Variants in LRP1B observed in about 807,000 individuals in gnomAD.
LRP1B encodes the protein LDL receptor related protein 1B.
Under a neutral mutation model 556.6 loss-of-function variants are expected in LRP1B, and 217 were observed. The observed-to-expected ratio is 0.39, with a 90% CI of 0.35 to 0.44. LRP1B has a LOEUF of 0.44. LRP1B is among the 20% of genes least tolerant of loss of function. The probability of loss-of-function intolerance (pLI) is 1.00; values close to 1 mark genes in which losing one functional copy is unlikely to be tolerated. For synonymous variants in LRP1B, 2,047 were observed against 1,865.8 expected (o/e 1.10, Z -2.50); for missense variants, 5,053 against 5,620.8 (o/e 0.90, Z 3.23).
chr2:141,354,067 A>G (rs944564901), intron 3 of LRP1B, among the ~76,000 whole-genome samples: 2 of 151,982 alleles, frequency 1.3e-5, no homozygotes, highest in Non-Finnish European at 2.9e-5. Context: ...TTAAAAGTGG[A>G]GTATGGGAGA....
intron 3 of LRP1B, among the ~76,000 whole-genome samples, chr2:141,401,393 A>G (rs951621887): frequency 3.3e-5 from 5 of 152,176 alleles, no homozygotes; most frequent in African/African-American, 9.6e-5. Context: ...TGGAGAATAC[A>G]ATTTTTTAAA....
intron 37 of LRP1B, among the ~76,000 whole-genome samples, chr2:140,709,863 C>A (rs1178179805): frequency 1.3e-5 from 2 of 151,920 alleles, no homozygotes; most frequent in Admixed American, 6.6e-5. Context: ...ATTTTTAAGT[C>A]TTTTATTTTC....
Position 142,112,948 on chromosome 2 carries a change from T to C in LRP1B, c.82+17700A>G, listed in dbSNP as rs1470643739. On this transcript the variant is annotated intron_variant, in intron 1 of 90. Transcript: ENST00000389484. ...GTTATTTGTAATTCCATTCTCTTAT[T>C]GCAAAATTTAATCTAACTAGATGCT... Among the ~76,000 whole-genome samples, 4 of 152,146 alleles carry C rather than the reference T, an allele frequency of 2.6e-5. 1 individual carries two copies. In the South Asian group the frequency reaches 8.3e-4, roughly 31 times the overall value.
chr2:140,732,271 C>G (rs1452444483), intron 35 of LRP1B, among the ~76,000 whole-genome samples: 1 of 151,894 alleles, frequency 6.6e-6, no homozygotes, highest in Non-Finnish European at 1.5e-5. Flanking sequence ...ATTATCATTG[C>G]TAATCAAATT....
chr2:140,759,602 A>G (rs1346398627), intron 35 of LRP1B, among the ~76,000 whole-genome samples: 1 of 152,192 alleles, frequency 6.6e-6, no homozygotes, highest in African/African-American at 2.4e-5. Flanking sequence ...GATTTGTTTC[A>G]TTGTTCTTGA....
At chr2:140,863,051 C>G (rs2105144390) in intron 27 of LRP1B, among the ~76,000 whole-genome samples, 1 of 152,232 alleles carries the variant, frequency 6.6e-6, no homozygotes, top group Non-Finnish European at 1.5e-5. Context: ...ACTGGTTTTC[C>G]TGGTTCTCCT....
At chr2:140,914,647 T>C (rs1022247966) in intron 21 of LRP1B, among the ~76,000 whole-genome samples, 1 of 152,048 alleles carries the variant, frequency 6.6e-6, no homozygotes, top group Non-Finnish European at 1.5e-5. Context: ...TCTACAATGC[T>C]GGACACATAT....
intron 2 of LRP1B, among the ~76,000 whole-genome samples, chr2:141,795,780 T>C (rs1417421242): frequency 1.4e-5 from 2 of 148,064 alleles, no homozygotes; most frequent in Non-Finnish European, 3.0e-5. Flanking sequence ...GCTGAACCAG[T>C]TTTAATTCAT....
In LRP1B at chr2:140,375,165, CTGTG is replaced by C. The variant is rs773327824; in HGVS notation, c.10639-2032_10639-2029del. Among the ~76,000 whole-genome samples, 4 of 134,714 alleles carry C rather than the reference CTGTG, an allele frequency of 3.0e-5. No individual in the cohort carries two copies. The East Asian group carries it at 6.5e-4, about 22-fold the overall frequency. The allele number at this position is 134,714 out of a possible 152,430, so 88.4% of individuals were successfully genotyped here. A position where few individuals can be genotyped will look rare whatever the true frequency, so the allele number is the denominator to read the frequency against. ...TGTTGTGAACTCATTGATTTTTATA[CTGTG>C]TGTATGTGTGTGTGTGTGTGTGTGT... On this transcript the variant is annotated intron_variant, in intron 68 of 90. Transcript: ENST00000389484.
intron 32 of LRP1B, among the ~76,000 whole-genome samples, chr2:140,789,034 GA>G (rs1289209845): frequency 6.6e-6 from 1 of 152,096 alleles, no homozygotes; most frequent in African/African-American, 2.4e-5. Context: ...CCAGAGCTGT[GA>G]AAAATAATGT....
At chr2:141,374,883 T>C (rs931601107) in intron 3 of LRP1B, among the ~76,000 whole-genome samples, 3 of 152,198 alleles carry the variant, frequency 2.0e-5, no homozygotes, top group African/African-American at 7.2e-5. Flanking sequence ...TTATTTTTTA[T>C]TAGAATCAGT....
intron 25 of LRP1B, among the ~76,000 whole-genome samples, chr2:140,872,566 C>A (rs1022351499): frequency 3.3e-5 from 5 of 151,598 alleles, no homozygotes. Flanking sequence ...GGTCTCTACC[C>A]AGAGTTCAAA....
intron 3 of LRP1B, among the ~76,000 whole-genome samples, chr2:141,400,351 A>G (rs553685521): frequency 6.6e-6 from 1 of 152,318 alleles, no homozygotes; most frequent in East Asian, 1.9e-4. Context: ...ATAACAAGAA[A>G]AGAAAGCCTT....
intron 1 of LRP1B, among the ~76,000 whole-genome samples, chr2:141,993,973 T>C (rs542886583): frequency 6.6e-6 from 1 of 152,302 alleles, no homozygotes; most frequent in South Asian, 2.1e-4. Flanking sequence ...CTAATTGTCA[T>C]GTTTTCCCAT....
At chr2:141,561,710 C>A (rs1686159639) in intron 2 of LRP1B, among the ~76,000 whole-genome samples, 1 of 151,806 alleles carries the variant, frequency 6.6e-6, no homozygotes, top group African/African-American at 2.4e-5. Flanking sequence ...TCCTTCTAAT[C>A]TGTAATTAAA....
chr2:140,474,251 A>G (rs1687879463), intron 60 of LRP1B, among the ~76,000 whole-genome samples: 1 of 151,898 alleles, frequency 6.6e-6, no homozygotes, highest in Non-Finnish European at 1.5e-5. Flanking sequence ...TCATTGCTTT[A>G]TTCCACACTG....
chr2:140,724,694 G>A (rs1687526782), intron 35 of LRP1B, among the ~76,000 whole-genome samples: 1 of 151,934 alleles, frequency 6.6e-6, no homozygotes, highest in Non-Finnish European at 1.5e-5. Context: ...GTTGTTGTTG[G>A]ATCTTTGACT....
chr2:141,509,435 A>G (rs1323408079), intron 2 of LRP1B, among the ~76,000 whole-genome samples: 1 of 152,186 alleles, frequency 6.6e-6, no homozygotes, highest in Non-Finnish European at 1.5e-5. Flanking sequence ...GTCTGCCACC[A>G]GAGCTTCTTT....
intron 2 of LRP1B, among the ~76,000 whole-genome samples, chr2:141,521,089 A>G (rs72992758): frequency 0.031 from 4,741 of 152,138 alleles, 268 homozygotes; most frequent in African/African-American, 0.11. Flanking sequence ...AAATACATAT[A>G]TCAGTGAAAA....
Sources: allele counts gnomAD v4.1 joint callset (sites outside exome capture counted in the v4.1 genomes callset), GRCh38; gene constraint gnomAD v4.1.1; transcripts MANE v1.5; gene names NCBI Gene and HGNC (gene_info 2026-07-23, HGNC 2026-07-21).